Variants in ADGRB3 observed in about 807,000 individuals in gnomAD.
The protein encoded by ADGRB3 is adhesion G protein-coupled receptor B3, also known as brain-specific angiogenesis inhibitor 3.
In ADGRB3, 37 loss-of-function variants were observed where a neutral mutation model predicts 193.4. The ratio of observed to expected loss-of-function variants is 0.19; its 90% CI spans 0.15 to 0.25. The LOEUF is 0.25. Ranked by LOEUF, ADGRB3 falls within the 10% of genes least tolerant of loss-of-function variation. ADGRB3 has a pLI of 1.00. For missense variants in ADGRB3, 1,637 were observed against 1,852.9 expected (o/e 0.88, Z 2.14); for synonymous variants, 690 against 644.2 (o/e 1.07, Z -1.08).
At chr6:69,260,175 T>G (rs1391291576) in intron 20 of ADGRB3, among the ~76,000 whole-genome samples, 4 of 152,216 alleles carry the variant, frequency 2.6e-5, no homozygotes, top group African/African-American at 9.6e-5. Flanking sequence ...AATTTTCTAT[T>G]AAAAATTAAT....
At chr6:68,740,675 G>A (rs1385304354) in intron 3 of ADGRB3, among the ~76,000 whole-genome samples, 1 of 152,128 alleles carries the variant, frequency 6.6e-6, no homozygotes, top group Non-Finnish European at 1.5e-5. Context: ...ATATATGCAT[G>A]CAATGGTTTT....
At chr6:68,719,460 C>T (rs771255554) in intron 3 of ADGRB3, among the ~76,000 whole-genome samples, 4 of 151,796 alleles carry the variant, frequency 2.6e-5, no homozygotes, top group East Asian at 3.9e-4. Context: ...CACCTCAAAA[C>T]GAACAGCATA....
At chr6:68,807,068 T>A (rs1767414130) in intron 3 of ADGRB3, among the ~76,000 whole-genome samples, 1 of 152,104 alleles carries the variant, frequency 6.6e-6, no homozygotes, top group African/African-American at 2.4e-5. Flanking sequence ...ATTTTTGAAG[T>A]ACTTATTTGC....
At chr6:68,863,017 T>G (rs1239167464) in intron 3 of ADGRB3, among the ~76,000 whole-genome samples, 1 of 152,214 alleles carries the variant, frequency 6.6e-6, no homozygotes, top group Non-Finnish European at 1.5e-5. Context: ...TGATTATTTT[T>G]CCTTTTATGT....
At chr6:69,086,345 A>G (rs1772550579) in intron 17 of ADGRB3, among the ~76,000 whole-genome samples, 1 of 152,092 alleles carries the variant, frequency 6.6e-6, no homozygotes, top group African/African-American at 2.4e-5. Context: ...GGTGTTGTTC[A>G]GATGTTTTTT....
rs530473225 is a variant in ADGRB3, at chr6:69,068,932, AT to A, written c.2436+5905del. ...TGTAATTCTGCTTTAGCTAAAGCCA[AT>A]TTTTTTTTCATTCCATCTTAGTTTG... On this transcript the variant is annotated intron_variant, in intron 16 of 31. Coordinates refer to ENST00000370598, the MANE Select transcript of ADGRB3 (RefSeq NM_001704.3). Among the ~76,000 whole-genome samples, 1,329 of 151,426 alleles carry A rather than the reference AT, an allele frequency of 8.8e-3. 32 individuals carry two copies. The highest frequency in any genetic ancestry group is 0.031 in the African/African-American group (1,268 of 41,312).
At chr6:69,109,108 A>G (rs1282273437) in intron 17 of ADGRB3, among the ~76,000 whole-genome samples, 1 of 152,202 alleles carries the variant, frequency 6.6e-6, no homozygotes, top group East Asian at 1.9e-4. Flanking sequence ...ATCTCTTAAT[A>G]AAACTACCCA....
intron 17 of ADGRB3, among the ~76,000 whole-genome samples, chr6:69,143,386 A>T (rs1035751060): frequency 6.6e-6 from 1 of 152,088 alleles, no homozygotes; most frequent in East Asian, 1.9e-4. Flanking sequence ...TTTTAACTTG[A>T]TGTAATCTCA....
At chr6:69,100,888 A>AGGAAGGAAGGAAGAAGGGAGGGAG (rs1773024757) in intron 17 of ADGRB3, among the ~76,000 whole-genome samples, 10 of 6,406 alleles carry the variant, frequency 1.6e-3, no homozygotes, top group South Asian at 0.011. Flanking sequence ...AAGGGAGGGA[A>AGGAAGGAAGGAAGAAGGGAGGGAG]GGAAGGAAGG....
rs904641681 is a variant in ADGRB3, at chr6:69,167,719, C to T, written c.2481-65571C>T. Among the ~76,000 whole-genome samples, 4 of 152,162 alleles carry T rather than the reference C, an allele frequency of 2.6e-5. No individual in the cohort carries two copies. In the South Asian group the frequency reaches 6.2e-4, roughly 24 times the overall value. The stretch of plus-strand genomic sequence containing the variant: ...CCTGAAAAGAGTCCACAAAAATAAC[C>T]AGACCCCAGAGTTCTCCTGCCCTCC... On this transcript the variant is annotated intron_variant, in intron 17 of 31. Transcript: ENST00000370598.
chr6:69,029,484 G>A (rs1770555718), intron 13 of ADGRB3, among the ~76,000 whole-genome samples: 1 of 152,080 alleles, frequency 6.6e-6, no homozygotes, highest in African/African-American at 2.4e-5. Context: ...TATTTACTAA[G>A]AAAATACTCA....
At chr6:69,239,057 C>A in intron 19 of ADGRB3, 67 bp from the exon 20 acceptor site, 1 of 845,902 alleles carries the variant, frequency 1.2e-6, no homozygotes, top group Admixed American at 2.2e-5. Flanking sequence ...CATCAGTTTG[C>A]ACAATATATA....
chr6:69,196,121 C>T (rs531798194), intron 17 of ADGRB3, among the ~76,000 whole-genome samples: 1 of 152,054 alleles, frequency 6.6e-6, no homozygotes, highest in Non-Finnish European at 1.5e-5. Context: ...TGTTTGGAGT[C>T]AGATGTAAAT....
chr6:68,691,502 T>C (rs1343835524), intron 3 of ADGRB3, among the ~76,000 whole-genome samples: 2 of 152,068 alleles, frequency 1.3e-5, no homozygotes, highest in East Asian at 3.8e-4. Flanking sequence ...ACTATCTCAG[T>C]TGAATCCTCT....
intron 3 of ADGRB3, among the ~76,000 whole-genome samples, chr6:68,856,451 G>A (rs1764988720): frequency 6.6e-6 from 1 of 152,176 alleles, no homozygotes; most frequent in South Asian, 2.1e-4. Flanking sequence ...GGTTGAGGTG[G>A]TCTCAGGTGG....
chr6:69,076,725 A>G (rs1772243619), intron 17 of ADGRB3, among the ~76,000 whole-genome samples: 1 of 152,020 alleles, frequency 6.6e-6, no homozygotes, highest in Admixed American at 6.6e-5. Flanking sequence ...TATACTTTAA[A>G]TACTTGTGTA....
intron 8 of ADGRB3, among the ~76,000 whole-genome samples, chr6:68,964,754 A>G (rs1486438909): frequency 6.6e-6 from 1 of 152,192 alleles, no homozygotes; most frequent in African/African-American, 2.4e-5. Flanking sequence ...CTTATGAGTA[A>G]GTATATATAA....
At chr6:69,093,318 C>T (rs1010166157) in intron 17 of ADGRB3, among the ~76,000 whole-genome samples, 2 of 150,358 alleles carry the variant, frequency 1.3e-5, no homozygotes, top group Non-Finnish European at 3.0e-5. Context: ...GGTGGGCATT[C>T]TAGGTTCAGT....
At chr6:68,843,735 A>G (rs1046658830) in intron 3 of ADGRB3, among the ~76,000 whole-genome samples, 4 of 152,290 alleles carry the variant, frequency 2.6e-5, no homozygotes, top group Middle Eastern at 3.4e-3. Context: ...AGCAAAAAGA[A>G]TAAAACTGGA....
Sources: gnomAD v4.1 joint callset for allele counts (sites outside exome capture counted in the v4.1 genomes callset) on GRCh38, gnomAD v4.1.1 for gene constraint, MANE v1.5 for transcripts, NCBI Gene and HGNC (gene_info 2026-07-23, HGNC 2026-07-21) for gene names.